The following LHFPL3 variants were observed in gnomAD, a reference collection of about 807,000 sequenced individuals.
LHFPL3 encodes LHFPL tetraspan subfamily member 3 protein.
A neutral mutation model predicts 19.3 loss-of-function variants in LHFPL3; 5 were observed. That is an observed-to-expected ratio of 0.26 (90% CI 0.14 to 0.54). The LOEUF is 0.54. LHFPL3 is among the 20% of genes least tolerant of loss of function. The pLI is 0.94. For synonymous variants in LHFPL3, 133 were observed against 126.2 expected (o/e 1.05, Z -0.36); for missense variants, 249 against 307.4 (o/e 0.81, Z 1.42).
chr7:104,649,433 A>G (rs1447573332), intron 1 of LHFPL3, among the ~76,000 whole-genome samples: 8 of 152,118 alleles, frequency 5.3e-5, no homozygotes. Flanking sequence ...CTTCTGGTAA[A>G]GGTATGGTAT....
Position 104,720,528 on chromosome 7 carries a change from G to A in LHFPL3, c.446-16147G>A, listed in dbSNP as rs185452795. On this transcript the variant is annotated intron_variant, in intron 1 of 2. Coordinates refer to ENST00000424859, the MANE Select transcript of LHFPL3 (RefSeq NM_199000.3). ...ACCAAAAGCAATGGCAACAAAAACC[G>A]AAATTGACAAATGGGATCTAATTAA... Among the ~76,000 whole-genome samples, 703 of 152,142 alleles carry A rather than the reference G, an allele frequency of 4.6e-3. 29 individuals are homozygous for A. The East Asian group carries it at 0.1, about 22-fold the overall frequency.
chr7:104,394,443 T>A lies in LHFPL3; in HGVS notation c.445+65219T>A, dbSNP rs975477489. ...CTAGGTTTCCTGATTCTTTAAAAATTTTTTTCATACTCATAAAGAGATAAA... is the reference window on the plus strand; with the variant it reads ...CTAGGTTTCCTGATTCTTTAAAAATATTTTTCATACTCATAAAGAGATAAA... On this transcript the variant is annotated intron_variant, in intron 1 of 2. Transcript: ENST00000424859. Among the ~76,000 whole-genome samples, 8 of 152,230 alleles carry A rather than the reference T, an allele frequency of 5.3e-5. No homozygotes were observed. In the South Asian group the frequency reaches 8.3e-4, roughly 16 times the overall value.
chr7:104,728,452 A>G (rs1303973905), intron 1 of LHFPL3, among the ~76,000 whole-genome samples: 1 of 152,148 alleles, frequency 6.6e-6, no homozygotes, highest in Non-Finnish European at 1.5e-5. Context: ...CACTTTCTCC[A>G]TCCCAGTAAC....
At position 104,399,383 on chromosome 7, in the gene LHFPL3, A is replaced by G. The variant is rs756546509; in HGVS notation, c.445+70159A>G. On this transcript the variant is annotated intron_variant, in intron 1 of 2. Transcript: ENST00000424859. This position sits in a 1 kb window ranked among gnomAD's most constrained non-coding sequence, Gnocchi z 4.4. ...ATAATTTTTTTCCCATTTATCCTGT[A>G]ACTGGATGGGATCAGAGTAAATTAC... 1.3e-5 allele frequency among the ~76,000 whole-genome samples: 2 copies of G among 152,024 alleles called. No homozygotes were observed. The highest frequency in any genetic ancestry group is 2.9e-5 in the Non-Finnish European group (2 of 68,000).
chr7:104,418,403 G>A (rs986383672), intron 1 of LHFPL3, among the ~76,000 whole-genome samples: 11 of 152,034 alleles, frequency 7.2e-5, no homozygotes, highest in African/African-American at 2.7e-4. Context: ...GTGGTAGTGT[G>A]CACCTGTAGT....
intron 1 of LHFPL3, among the ~76,000 whole-genome samples, chr7:104,514,109 C>T (rs1202074996): frequency 6.6e-6 from 1 of 152,150 alleles, no homozygotes; most frequent in Non-Finnish European, 1.5e-5. Flanking sequence ...TTTTCAGCTC[C>T]TGAAACACAT....
In LHFPL3 at chr7:104,460,617, T is replaced by A. The variant is rs574551973; in HGVS notation, c.445+131393T>A. Among the ~76,000 whole-genome samples the A allele has an allele frequency of 1.4e-4, 21 of 152,320 alleles. No homozygotes were observed. The South Asian group carries it at 2.5e-3, about 18-fold the overall frequency. ...ATAATCAGTGATATTGAGGTTTTTT[T>A]AATATGATTGTTGCCCACATGTATG... On this transcript the variant is annotated intron_variant, in intron 1 of 2. Transcript: ENST00000424859.
Position 104,335,666 on chromosome 7 carries a change from A to G in LHFPL3, c.445+6442A>G, listed in dbSNP as rs376046959. Among the ~76,000 whole-genome samples, 15 of 152,298 alleles carry G rather than the reference A, an allele frequency of 9.8e-5. 1 individual carries two copies. Among genetic ancestry groups the G allele is most frequent in the Admixed American group, 4.6e-4 (7 of 15,298 alleles). On this transcript the variant is annotated intron_variant, in intron 1 of 2. Transcript: ENST00000424859. ...TGTAAAAATATAATAAAGTACTTCT[A>G]TATTTCCGTAAGTAAATAATATAAT...
chr7:104,815,034 G>C (rs1312363633), intron 2 of LHFPL3, among the ~76,000 whole-genome samples: 1 of 152,148 alleles, frequency 6.6e-6, no homozygotes, highest in East Asian at 1.9e-4. Flanking sequence ...GGAGGCCCAG[G>C]TCTGCAGCCA....
chr7:104,786,953 C>T (rs1418311493), intron 2 of LHFPL3, among the ~76,000 whole-genome samples: 1 of 152,090 alleles, frequency 6.6e-6, no homozygotes, highest in African/African-American at 2.4e-5. Flanking sequence ...CTATTGTGCC[C>T]TCTGTATAAG....
chr7:104,445,235 T>C (rs556307371), intron 1 of LHFPL3, among the ~76,000 whole-genome samples: 2 of 152,200 alleles, frequency 1.3e-5, no homozygotes, highest in South Asian at 4.1e-4. Flanking sequence ...ATTGGTCTTT[T>C]ATGAAACTGA....
At chr7:104,443,832 T>C (rs1468095) in intron 1 of LHFPL3, among the ~76,000 whole-genome samples, 1 of 152,226 alleles carries the variant, frequency 6.6e-6, no homozygotes, top group Non-Finnish European at 1.5e-5. Flanking sequence ...AGCAGAATGG[T>C]TGTATTATTT....
chr7:104,723,227 G>C (rs1159803743), intron 1 of LHFPL3, among the ~76,000 whole-genome samples: 1 of 152,058 alleles, frequency 6.6e-6, no homozygotes, highest in Non-Finnish European at 1.5e-5. Flanking sequence ...GGCATCAGTA[G>C]CCTCTACACA....
At chr7:104,826,151 A>C (rs1177126251) in intron 2 of LHFPL3, among the ~76,000 whole-genome samples, 3 of 152,012 alleles carry the variant, frequency 2.0e-5, no homozygotes, top group African/African-American at 7.3e-5. Context: ...CTTTATCACC[A>C]AGGCTGCTGA....
At chr7:104,562,675 C>T (rs960674664) in intron 1 of LHFPL3, among the ~76,000 whole-genome samples, 1 of 151,880 alleles carries the variant, frequency 6.6e-6, no homozygotes. Flanking sequence ...GCCTTCTTCT[C>T]TCAGCTCCTC....
At chr7:104,507,020 G>A (rs2115752828) in intron 1 of LHFPL3, among the ~76,000 whole-genome samples, 1 of 152,262 alleles carries the variant, frequency 6.6e-6, no homozygotes, top group Admixed American at 6.5e-5. Flanking sequence ...GTTTTTTTTA[G>A]AAGAGAGAAC....
intron 1 of LHFPL3, among the ~76,000 whole-genome samples, chr7:104,467,667 A>G (rs73712147): frequency 0.011 from 1,718 of 152,324 alleles, 24 homozygotes; most frequent in African/African-American, 0.039. Context: ...TATTTCCTGG[A>G]TTAATTTCTC....
intron 2 of LHFPL3, among the ~76,000 whole-genome samples, chr7:104,882,044 T>G (rs368537070): frequency 6.6e-6 from 1 of 152,230 alleles, no homozygotes; most frequent in Admixed American, 6.5e-5. Context: ...CTGTCTTTAT[T>G]GTGATATTCA....
At chr7:104,512,330 T>G (rs1478572372) in intron 1 of LHFPL3, among the ~76,000 whole-genome samples, 1 of 152,090 alleles carries the variant, frequency 6.6e-6, no homozygotes, top group African/African-American at 2.4e-5. Context: ...TATCAGATAT[T>G]TTTTTGTGTT....
Sources: allele counts gnomAD v4.1 joint callset (sites outside exome capture counted in the v4.1 genomes callset), GRCh38; gene constraint gnomAD v4.1.1; non-coding constraint Gnocchi (gnomAD v3.1); transcripts MANE v1.5; gene names NCBI Gene and HGNC (gene_info 2026-07-23, HGNC 2026-07-21).